Variants in PFAS observed in about 807,000 individuals in gnomAD.
PFAS encodes the protein FGAM synthase.
Under a neutral mutation model 140.6 loss-of-function variants are expected in PFAS, and 97 were observed. The observed-to-expected ratio is 0.69, with a 90% confidence interval of 0.59 to 0.82. The LOEUF (loss-of-function observed/expected upper bound fraction) is 0.82, where lower values mean the gene tolerates loss of function less well. Ranked by LOEUF, PFAS falls within the 40% of genes least tolerant of loss-of-function variation. PFAS has a pLI of 0.00. For missense variants in PFAS, 1,656 were observed against 1,780.2 expected (o/e 0.93, Z 1.26); for synonymous variants, 679 against 718.8 (o/e 0.94, Z 0.88).
Position 8,269,010 on chromosome 17 carries a change from G to T in PFAS, c.3763G>T (p.Ala1255Ser), listed in dbSNP as rs2151599009. The T allele has an allele frequency of 6.2e-7, 1 of 1,614,174 alleles. No homozygotes were observed. Among genetic ancestry groups the T allele is most frequent in the Non-Finnish European group, 8.5e-7 (1 of 1,180,014 alleles). Reference sequence around the variant, plus strand: ...AGCTCAGATTGAGGCCAGGGGCTTGGCTCCACTGCACTGGGCTGATGATGA... The same window carrying T: ...AGCTCAGATTGAGGCCAGGGGCTTGTCTCCACTGCACTGGGCTGATGATGA... Reference protein sequence around the residue: ...LQAQIEARGLAPLHWADDDGN... With the variant: ...LQAQIEARGLSPLHWADDDGN... Residue 1255 changes from alanine to serine, a missense_variant, in exon 28 of 28, where the codon GCT becomes TCT. Physicochemically the swap from Ala to Ser is moderately conservative, Grantham distance 99. Around this residue, in one of 2 missense-constraint regions of PFAS, gnomAD observed 883 missense variants for 1,023.0 expected, o/e 0.86. Coordinates refer to ENST00000314666, the MANE Select transcript of PFAS (RefSeq NM_012393.3).
chr17:8,256,297 C>T lies in PFAS; in HGVS notation c.711C>T (p.Gly237=). Reference sequence around the variant, plus strand: ...ACAGCCGACACTGGTTCTTCAAGGGCCAGCTCCACGTGGATGGGCAGAAGC... The same window carrying T: ...ACAGCCGACACTGGTTCTTCAAGGGTCAGCTCCACGTGGATGGGCAGAAGC... ...SEHSRHWFFK[G]QLHVDGQKLV... is the part of the protein sequence containing the mutation. The change falls in exon 7 of 28, where the codon GGC becomes GGT. Residue 237 remains glycine (G), a synonymous_variant. Coordinates refer to ENST00000314666, the MANE Select transcript of PFAS (RefSeq NM_012393.3). The T allele has an allele frequency of 1.2e-6, 2 of 1,614,044 alleles. No individual in the cohort carries two copies. Among genetic ancestry groups the T allele is most frequent in the Non-Finnish European group, 1.7e-6 (2 of 1,180,000 alleles).
At chr17:8,248,909 A>G (rs1448923920), upstream of PFAS, among the ~76,000 whole-genome samples, 1 of 152,048 alleles carries the variant, frequency 6.6e-6, no homozygotes, top group African/African-American at 2.4e-5. Flanking sequence ...AGGCCTTCAG[A>G]TGGATGGGGT....
chr17:8,263,101 G>GC lies in PFAS; in HGVS notation c.1411-3dup. ...CGCTGAGCTGAGCTATGCCATATAT[G>GC]CCCCCAGGTGCAGGGAGATAACACC... On this transcript the variant is annotated splice_region_variant and splice_polypyrimidine_tract_variant and intron_variant, in intron 12 of 27. Transcript: ENST00000314666. The GC allele has an allele frequency of 2.5e-6, 4 of 1,613,760 alleles. No individual in the cohort carries two copies. Among genetic ancestry groups the GC allele is most frequent in the Non-Finnish European group, 3.4e-6 (4 of 1,179,666 alleles).
rs2151597023 is a variant in PFAS, at chr17:8,267,548, C to T, written c.3268-3C>T. 6.3e-7 allele frequency: 1 copy of T among 1,598,130 alleles called. No individual in the cohort carries two copies. Among genetic ancestry groups the T allele is most frequent in the Non-Finnish European group, 8.6e-7 (1 of 1,165,432 alleles). Reference sequence around the variant, plus strand: ...CCCACACTCCCCCTCCCCACCTTCGCAGGTATGGGACGTGACCATGCAGGA... The same window carrying T: ...CCCACACTCCCCCTCCCCACCTTCGTAGGTATGGGACGTGACCATGCAGGA... On this transcript the variant is annotated splice_polypyrimidine_tract_variant and splice_region_variant and intron_variant, in intron 25 of 27. Transcript: ENST00000314666. The surrounding 1 kb of genome is among the most constrained non-coding windows in gnomAD (Gnocchi z 4.9).
In PFAS at chr17:8,266,869, C is replaced by T; in HGVS notation, c.2938C>T (p.His980Tyr). The T allele has an allele frequency of 6.2e-7, 1 of 1,607,228 alleles. No homozygotes were observed. Residue 980 changes from histidine (H) to tyrosine (Y), a missense_variant, in exon 23 of 28, where the codon CAC becomes TAC. By Grantham distance (83) the His-to-Tyr change is moderately conservative (BLOSUM62 2). Around this residue, in one of 2 missense-constraint regions of PFAS, gnomAD observed 883 missense variants for 1,023.0 expected, o/e 0.86. Transcript: ENST00000314666. This position sits in a 1 kb window ranked among gnomAD's most constrained non-coding sequence, Gnocchi z 5.0. ...TGGCCTCCATTGCCTGGAGCTGGGC[C>T]ACACAGGCGAGGCCGGGCCCCACGC... ...DAGLHCLELG[H>Y]TGEAGPHAMV... is the part of the protein sequence containing the mutation.
intron 1 of PFAS, among the ~76,000 whole-genome samples, chr17:8,253,358 C>T (rs1375021961): frequency 6.6e-6 from 1 of 152,132 alleles, no homozygotes; most frequent in Non-Finnish European, 1.5e-5. Flanking sequence ...CTGTACACCT[C>T]CCTACCACAT....
chr17:8,259,143 C>T (rs918344624), intron 11 of PFAS, among the ~76,000 whole-genome samples: 1 of 149,214 alleles, frequency 6.7e-6, no homozygotes, highest in Admixed American at 6.7e-5. Context: ...AAAAAAAAGA[C>T]GTGGTAAATA....
In PFAS at chr17:8,264,497, A is replaced by T; in HGVS notation, c.1945A>T (p.Met649Leu). Residue 649 changes from methionine to leucine, a missense_variant, in exon 17 of 28, where the codon ATG becomes TTG. This residue lies in a region of PFAS where 883 missense variants were observed against 1,023.0 expected (regional missense o/e 0.86). Coordinates refer to ENST00000314666, the MANE Select transcript of PFAS (RefSeq NM_012393.3). ...GTTCTTCCTGCAGAGGAAGCCCCCCATGCTGCAGCCTCTGGCCTTGCCCCC... is the reference window on the plus strand; with the variant it reads ...GTTCTTCCTGCAGAGGAAGCCCCCCTTGCTGCAGCCTCTGGCCTTGCCCCC... ...KEFFLQRKPP[M>L]LQPLALPPGL... 6.2e-7 allele frequency: 1 copy of T among 1,613,688 alleles called. No individual in the cohort carries two copies.
rs753878971 is a variant in PFAS at position 8,254,251 on chromosome 17, GTCCTGGCTCCT to G, written c.239_249del (p.Leu80GlnfsTer2). On this transcript the variant is annotated frameshift_variant, in exon 3 of 28. Transcript: ENST00000314666. LOFTEE classifies it high-confidence loss of function. ...TACTGCTGGATGATGTTGCTCGGGA[GTCCTGGCTCCT>G]TCCTGGCTCCAATGACCTGCTGCTG... is the stretch of plus-strand genomic sequence containing the variant. 17 of 1,614,182 alleles carry G rather than the reference GTCCTGGCTCCT, an allele frequency of 1.1e-5. No individual in the cohort carries two copies. Among genetic ancestry groups the G allele is most frequent in the Admixed American group, 6.7e-5 (4 of 60,022 alleles).
Position 8,266,153 on chromosome 17 carries a change from T to G in PFAS, c.2702-81T>G. The G allele has an allele frequency of 6.3e-7, 1 of 1,586,340 alleles. No individual in the cohort carries two copies. Among genetic ancestry groups the G allele is most frequent in the East Asian group, 2.2e-5 (1 of 44,730 alleles). ...CCCCTGACATTCTGACACACACTCT[T>G]GATGGACTGACTCCGGAAGGTGGGG... On this transcript the variant is annotated intron_variant, in intron 21 of 27. Transcript: ENST00000314666. The surrounding 1 kb of genome is among the most constrained non-coding windows in gnomAD (Gnocchi z 5.0).
At position 8,266,672 on chromosome 17, in the gene PFAS, C is replaced by G; in HGVS notation, c.2822-81C>G. The G allele has an allele frequency of 6.5e-7, 1 of 1,533,234 alleles. No individual in the cohort carries two copies. The highest frequency in any genetic ancestry group is 1.4e-5 in the African/African-American group (1 of 72,828). 95.0% of individuals were successfully genotyped at this position (1,533,234 alleles called of 1,614,324 possible). ...TGCATCCCTCTGACCCTCACCCTGG[C>G]CCTTCCTGCATTTCCCTGATCCCGC... On this transcript the variant is annotated intron_variant, in intron 22 of 27. Coordinates refer to ENST00000314666, the MANE Select transcript of PFAS (RefSeq NM_012393.3). This position sits in a 1 kb window ranked among gnomAD's most constrained non-coding sequence, Gnocchi z 5.0.
intron 27 of PFAS, 47 bp from the exon 28 acceptor site, chr17:8,268,907 G>A (rs1352396601): frequency 2.5e-6 from 4 of 1,612,208 alleles, no homozygotes; most frequent in Admixed American, 1.7e-5. Flanking sequence ...GGGCAAGGGT[G>A]GGCATGAAGG....
chr17:8,268,017 A>T (rs1989898388), intron 26 of PFAS, among the ~76,000 whole-genome samples: 1 of 134,548 alleles, frequency 7.4e-6, no homozygotes, highest in African/African-American at 2.7e-5. Context: ...TATATATATT[A>T]TTTATATATT....
At chr17:8,250,172 G>A (rs895729824) in intron 1 of PFAS, among the ~76,000 whole-genome samples, 4 of 152,214 alleles carry the variant, frequency 2.6e-5, no homozygotes, top group Non-Finnish European at 5.9e-5. Flanking sequence ...GGTGCATTGT[G>A]GGTGAAAAAG....
At chr17:8,264,663 C>G in intron 17 of PFAS, 62 bp downstream of exon 17, 4 of 1,499,972 alleles carry the variant, frequency 2.7e-6, no homozygotes, top group Non-Finnish European at 3.6e-6. Flanking sequence ...CTTCTGCCCT[C>G]CCACCCTTAG....
In PFAS at chr17:8,255,656, G is replaced by A; in HGVS notation, c.539G>A (p.Gly180Asp). ...GGCCCTATCAATATACTGGGTGAGGGCCGGCTTGCGCTGGAGAAGGCCAAC... is the reference window on the plus strand; with the variant it reads ...GGCCCTATCAATATACTGGGTGAGGACCGGCTTGCGCTGGAGAAGGCCAAC... ...LNGPINILGE[G>D]RLALEKANQE... The change falls in exon 5 of 28, where the codon GGC (glycine) becomes GAC (aspartate). Residue 180 changes from glycine (G) to aspartate (D), a missense_variant. Gly to Asp is a moderately conservative substitution (Grantham distance 94). Coordinates refer to ENST00000314666, the MANE Select transcript of PFAS (RefSeq NM_012393.3). 6.3e-7 allele frequency: 1 copy of A among 1,581,936 alleles called. No homozygotes were observed. Among genetic ancestry groups the A allele is most frequent in the Non-Finnish European group, 8.6e-7 (1 of 1,165,984 alleles).
Position 8,264,973 on chromosome 17 carries a change from G to A in PFAS, c.2128G>A (p.Val710Ile). 6.2e-7 allele frequency: 1 copy of A among 1,613,018 alleles called. No homozygotes were observed. The highest frequency in any genetic ancestry group is 8.5e-7 in the Non-Finnish European group (1 of 1,179,536). ...PLQTPLADVA[V>I]VALSHEELIG... Reference sequence around the variant, plus strand: ...GCAAACTCCTCTGGCAGATGTAGCGGTTGTGGCACTGAGCCATGAGGAGCT... The same window carrying A: ...GCAAACTCCTCTGGCAGATGTAGCGATTGTGGCACTGAGCCATGAGGAGCT... The change falls in exon 18 of 28, where the codon GTT becomes ATT. Residue 710 changes from valine (V) to isoleucine (I), a missense_variant. Val to Ile is a conservative substitution (Grantham distance 29). Coordinates refer to ENST00000314666, the MANE Select transcript of PFAS (RefSeq NM_012393.3).
Position 8,264,218 on chromosome 17 carries a change from C to G in PFAS, c.1798C>G (p.Leu600Val). ...GGGTCCCTGTGGTCTATAGATAGTGCTGGTGGACGATCGGGAGTGTCCTGT... is the reference window on the plus strand; with the variant it reads ...GGGTCCCTGTGGTCTATAGATAGTGGTGGTGGACGATCGGGAGTGTCCTGT... ...GTITGDRRIV[L>V]VDDRECPVRR... The change falls in exon 16 of 28, where the codon CTG becomes GTG. Residue 600 changes from leucine (L) to valine (V), a missense_variant. Around this residue, in one of 2 missense-constraint regions of PFAS, gnomAD observed 883 missense variants for 1,023.0 expected, o/e 0.86. Coordinates refer to ENST00000314666, the MANE Select transcript of PFAS (RefSeq NM_012393.3). The G allele has an allele frequency of 6.2e-7, 1 of 1,613,996 alleles. No individual in the cohort carries two copies. The highest frequency in any genetic ancestry group is 8.5e-7 in the Non-Finnish European group (1 of 1,179,934).
In PFAS at chr17:8,256,571, C is replaced by A. The variant is rs1448732656; in HGVS notation, c.869C>A (p.Thr290Lys). 2 of 1,614,090 alleles carry A rather than the reference C, an allele frequency of 1.2e-6. No individual in the cohort carries two copies. Residue 290 changes from threonine (T) to lysine (K), a missense_variant, in exon 8 of 28, where the codon ACA (threonine) becomes AAA (lysine). Around this residue, in one of 2 missense-constraint regions of PFAS, gnomAD observed 773 missense variants for 757.3 expected, o/e 1.02. Transcript: ENST00000314666. ...CGATTCCTACGGCCTGAGGACCCCA[C>A]ACGGCCAAGCCGCTTCCAGCAACAG... Reference protein sequence around the residue: ...EVRFLRPEDPTRPSRFQQQQG... With the variant: ...EVRFLRPEDPKRPSRFQQQQG...
Sources: gnomAD v4.1 joint callset for allele counts (sites outside exome capture counted in the v4.1 genomes callset) on GRCh38, gnomAD v4.1.1 for gene constraint, gnomAD v4.1.1 regional missense constraint, Gnocchi (gnomAD v3.1) non-coding constraint, MANE v1.5 for transcripts, NCBI Gene and HGNC (gene_info 2026-07-23, HGNC 2026-07-21) for gene names.